The following ADRA1B variants were observed in gnomAD, a reference collection of about 807,000 sequenced individuals.
The protein encoded by ADRA1B is adrenoceptor alpha 1B.
Under a neutral mutation model 17.9 loss-of-function variants are expected in ADRA1B, and 17 were observed. That is an observed-to-expected ratio of 0.95 (90% CI 0.65 to 1.42). The LOEUF (loss-of-function observed/expected upper bound fraction) is 1.42. Among genes scored for constraint, ADRA1B ranks in the 40% most tolerant of loss-of-function variants. The pLI is 0.00. For missense variants in ADRA1B, 681 were observed against 722.1 expected (o/e 0.94, Z 0.65); for synonymous variants, 366 against 327.6 (o/e 1.12, Z -1.27).
At chr5:159,915,723 C>T (rs1280101302), upstream of ADRA1B, among the ~76,000 whole-genome samples, 1 of 152,176 alleles carries the variant, frequency 6.6e-6, no homozygotes, top group Non-Finnish European at 1.5e-5. Context: ...TTCAAATCCA[C>T]CCCACAAACA....
chr5:159,972,515 T>C lies in ADRA1B; in HGVS notation c.*23T>C. The C allele has an allele frequency of 3.1e-6, 3 of 957,164 alleles. No individual in the cohort carries two copies. Among genetic ancestry groups the C allele is most frequent in the Non-Finnish European group, 1.2e-6 (1 of 810,922 alleles). 59.3% of individuals were successfully genotyped at this position (957,164 alleles called of 1,614,324 possible). On this transcript the variant is annotated 3_prime_UTR_variant, in exon 2 of 2. Transcript: ENST00000306675. The stretch of plus-strand genomic sequence containing the variant: ...TAGGGCCCCCGTGCGCAGCTTTCTT[T>C]CCCTGGGGAGGAAAACATCGTGGGG...
intron 1 of ADRA1B, chr5:159,948,268 T>G (rs1755330888): frequency 1.0e-6 from 1 of 985,478 alleles, no homozygotes; most frequent in South Asian, 4.7e-5. Context: ...GTTAAGAAGC[T>G]GGACCTTTTC....
upstream of ADRA1B, chr5:159,916,322 G>C (rs1018036331): frequency 2.0e-5 from 3 of 151,630 alleles, no homozygotes; most frequent in African/African-American, 7.3e-5. Flanking sequence ...CCCGCCCCCC[G>C]CAGAGGGCGC....
At chr5:159,896,866 CA>C (rs1754045953) in intron 1 of ADRA1B, among the ~76,000 whole-genome samples, 1 of 152,166 alleles carries the variant, frequency 6.6e-6, no homozygotes, top group South Asian at 2.1e-4. Context: ...AATGAATTCC[CA>C]TGGAAAAGCA....
At chr5:159,931,362 C>G (rs1754798623) in intron 1 of ADRA1B, among the ~76,000 whole-genome samples, 1 of 148,056 alleles carries the variant, frequency 6.8e-6, no homozygotes, top group Non-Finnish European at 1.5e-5. Context: ...CTACTGCACT[C>G]AAGCCTGGGC....
the ADRA1B span, among the ~76,000 whole-genome samples, chr5:159,981,788 A>G: frequency 6.6e-6 from 1 of 152,130 alleles, no homozygotes; most frequent in African/African-American, 2.4e-5. Flanking sequence ...GAGCTACCGC[A>G]CCCAGCCTAG....
chr5:159,960,025 T>C lies in ADRA1B; in HGVS notation c.950-11854T>C, dbSNP rs1755636512. ...AGCTTCCATTTCCACATTTGTAAATTGGGAGTTACGGAACCCAAGGCGTTA... is the reference window on the plus strand; with the variant it reads ...AGCTTCCATTTCCACATTTGTAAATCGGGAGTTACGGAACCCAAGGCGTTA... On this transcript the variant is annotated intron_variant, in intron 1 of 1. Transcript: ENST00000306675. Among the ~76,000 whole-genome samples, 4 of 152,144 alleles carry C rather than the reference T, an allele frequency of 2.6e-5. No individual in the cohort carries two copies. The South Asian group carries it at 8.3e-4, about 32-fold the overall frequency.
chr5:159,900,596 G>A (rs1754090685), intron 1 of ADRA1B, among the ~76,000 whole-genome samples: 1 of 152,208 alleles, frequency 6.6e-6, no homozygotes. Context: ...CCAGTGTAGT[G>A]AGAGCCATGA....
intron 1 of ADRA1B, among the ~76,000 whole-genome samples, chr5:159,934,621 A>G (rs910002315): frequency 2.0e-5 from 3 of 152,046 alleles, no homozygotes; most frequent in African/African-American, 4.8e-5. Flanking sequence ...CCTGGCCAAC[A>G]TGGTGAAACC....
the ADRA1B span, among the ~76,000 whole-genome samples, chr5:159,983,131 A>G: frequency 1.3e-5 from 2 of 152,138 alleles, no homozygotes; most frequent in African/African-American, 4.8e-5. Context: ...CTTCAACCTG[A>G]CCCAGGATGA....
chr5:159,962,129 T>A (rs112431283), intron 1 of ADRA1B, among the ~76,000 whole-genome samples: 5,641 of 151,816 alleles, frequency 0.037, 149 homozygotes, highest in South Asian at 0.12. Context: ...ACCTGGGAGG[T>A]AGAAGTTGCA....
chr5:159,866,246 C>T (rs1275113538), intron 1 of ADRA1B, among the ~76,000 whole-genome samples: 1 of 146,838 alleles, frequency 6.8e-6, no homozygotes, highest in Non-Finnish European at 1.5e-5. Flanking sequence ...GTCAACGCTG[C>T]AGTGAGCAAT....
In ADRA1B at chr5:159,951,028, C is replaced by T. The variant is rs1341298139; in HGVS notation, c.950-20851C>T. 1.0e-5 allele frequency: 7 copies of T among 689,386 alleles called. No individual in the cohort carries two copies. The African/African-American group carries it at 1.2e-4, about 12-fold the overall frequency. 42.7% of individuals were successfully genotyped at this position (689,386 alleles called of 1,614,324 possible). A position where few individuals can be genotyped will look rare whatever the true frequency, so the allele number is the denominator to read the frequency against. ...TGTCATGGATGACCTCGCCCAGGGG[C>T]ACTAAGCAGTTGGTGGTGCAGGAGG... is the stretch of plus-strand genomic sequence containing the variant. On this transcript the variant is annotated intron_variant, in intron 1 of 1. Transcript: ENST00000306675.
chr5:159,911,811 A>C (rs996349150), upstream of ADRA1B, among the ~76,000 whole-genome samples: 1 of 151,840 alleles, frequency 6.6e-6, no homozygotes, highest in Non-Finnish European at 1.5e-5. Context: ...GTGGGGCAAA[A>C]ATTCTTCTTC....
intron 1 of ADRA1B, among the ~76,000 whole-genome samples, chr5:159,880,227 T>G (rs1449595396): frequency 6.6e-6 from 1 of 152,110 alleles, no homozygotes; most frequent in Non-Finnish European, 1.5e-5. Flanking sequence ...ATAAAATCCC[T>G]GAAGCGGTGG....
chr5:159,959,457 A>T (rs1175336362), intron 1 of ADRA1B, among the ~76,000 whole-genome samples: 9 of 152,214 alleles, frequency 5.9e-5, no homozygotes. Flanking sequence ...GACAAATAAG[A>T]TTGACCCTAG....
intron 1 of ADRA1B, among the ~76,000 whole-genome samples, chr5:159,891,275 C>A (rs1263455586): frequency 2.0e-5 from 3 of 152,172 alleles, no homozygotes; most frequent in Non-Finnish European, 4.4e-5. Flanking sequence ...TCAATAAACT[C>A]CAAGATGACT....
At chr5:159,917,907 A>G (rs1754374776) in intron 1 of ADRA1B, 53 bp downstream of exon 1, 3 of 1,456,262 alleles carry the variant, frequency 2.1e-6, no homozygotes, top group Admixed American at 2.1e-5. Context: ...CCTTGGGTTT[A>G]CTGATGAGCT....
intron 1 of ADRA1B, among the ~76,000 whole-genome samples, chr5:159,939,360 A>G (rs1450367836): frequency 6.7e-6 from 1 of 150,234 alleles, no homozygotes; most frequent in Admixed American, 6.7e-5. Context: ...AGGATAGTTC[A>G]GCCCAAGGTA....
Sources: gnomAD v4.1 joint callset for allele counts (sites outside exome capture counted in the v4.1 genomes callset) on GRCh38, gnomAD v4.1.1 for gene constraint, MANE v1.5 for transcripts, NCBI Gene and HGNC (gene_info 2026-07-23, HGNC 2026-07-21) for gene names.